The following SUCLA2 variants were observed in gnomAD, a reference collection of about 807,000 sequenced individuals.
The protein encoded by SUCLA2 is succinate-CoA ligase ADP-forming subunit beta.
Under a neutral mutation model 54.8 loss-of-function variants are expected in SUCLA2, and 30 were observed. The observed-to-expected ratio is 0.55, with a 90% CI of 0.41 to 0.74. The LOEUF (loss-of-function observed/expected upper bound fraction) is 0.74. Among genes scored for constraint, SUCLA2 ranks in the 30% least tolerant of loss-of-function variants. SUCLA2 has a pLI of 0.00. For missense variants in SUCLA2, 476 were observed against 562.9 expected (o/e 0.85, Z 1.56); for synonymous variants, 172 against 188.9 (o/e 0.91, Z 0.74).
chr13:47,951,491 T>C (rs957782742), intron 8 of SUCLA2, among the ~76,000 whole-genome samples: 6 of 152,200 alleles, frequency 3.9e-5, no homozygotes, highest in Non-Finnish European at 8.8e-5. Flanking sequence ...TCTGCCATCC[T>C]ACTTCAAACA....
chr13:47,949,039 T>C lies in SUCLA2; in HGVS notation c.1229-11A>G, dbSNP rs751641929. On this transcript the variant is annotated splice_polypyrimidine_tract_variant and intron_variant, in intron 9 of 10. Coordinates refer to ENST00000646932, the MANE Select transcript of SUCLA2 (RefSeq NM_003850.3). ...CATCGACTCGTGTACCTGTAAATGA[T>C]TTATGCAAATATAAATGTTTTAAAT... 2 of 1,612,226 alleles carry C rather than the reference T, an allele frequency of 1.2e-6. No individual in the cohort carries two copies. Among genetic ancestry groups the C allele is most frequent in the African/African-American group, 2.7e-5 (2 of 74,978 alleles).
chr13:47,956,795 A>G (rs934738633), intron 6 of SUCLA2: 2 of 152,210 alleles, frequency 1.3e-5, no homozygotes, highest in Admixed American at 6.5e-5. Flanking sequence ...CATCCGACCA[A>G]GCACAGGACA....
intron 1 of SUCLA2, among the ~76,000 whole-genome samples, chr13:48,000,012 CTAAA>C (rs983395262): frequency 7.9e-5 from 12 of 151,622 alleles, no homozygotes; most frequent in African/African-American, 2.4e-4. Context: ...TTTCTAAAAA[CTAAA>C]TAGCACTCTT....
intron 10 of SUCLA2, 30 bp from the exon 11 acceptor site, chr13:47,943,475 A>G: frequency 1.9e-6 from 3 of 1,610,704 alleles, no homozygotes; most frequent in Non-Finnish European, 2.5e-6. Flanking sequence ...AATTTTCACA[A>G]AAAGGTAAAT....
At chr13:47,967,809 A>C (rs1367814473) in intron 6 of SUCLA2, among the ~76,000 whole-genome samples, 1 of 149,146 alleles carries the variant, frequency 6.7e-6, no homozygotes, top group African/African-American at 2.5e-5. Context: ...ACGCCATTGC[A>C]CTCCAGTGTG....
chr13:47,953,108 A>G (rs945221660), intron 8 of SUCLA2, among the ~76,000 whole-genome samples: 5 of 152,142 alleles, frequency 3.3e-5, no homozygotes, highest in African/African-American at 4.8e-5. Flanking sequence ...GACCATCACA[A>G]AATATATGGC....
chr13:47,955,435 C>A (rs998186799), intron 6 of SUCLA2, among the ~76,000 whole-genome samples: 10 of 152,112 alleles, frequency 6.6e-5, no homozygotes, highest in Admixed American at 6.5e-4. Flanking sequence ...TTGCTGACCT[C>A]AAGTAATCCA....
intron 4 of SUCLA2, 120 bp downstream of exon 4, chr13:47,988,421 T>C: frequency 1.7e-6 from 2 of 1,196,150 alleles, no homozygotes; most frequent in Non-Finnish European, 2.4e-6. Flanking sequence ...GCTCATGACA[T>C]ACAAACAGAT....
At chr13:47,976,501 C>T (rs773994895) in intron 4 of SUCLA2, among the ~76,000 whole-genome samples, 1 of 152,146 alleles carries the variant, frequency 6.6e-6, no homozygotes, top group Non-Finnish European at 1.5e-5. Context: ...CCTGTCTCAA[C>T]TGATATGGGT....
chr13:47,999,995 TC>T (rs1210031389), intron 1 of SUCLA2, among the ~76,000 whole-genome samples: 1 of 152,020 alleles, frequency 6.6e-6, no homozygotes, highest in Non-Finnish European at 1.5e-5. Flanking sequence ...GTCACTAAAT[TC>T]CCCATTTTCT....
At chr13:47,980,330 G>T (rs1458302166) in intron 4 of SUCLA2, among the ~76,000 whole-genome samples, 3 of 152,102 alleles carry the variant, frequency 2.0e-5, no homozygotes, top group African/African-American at 7.2e-5. Flanking sequence ...CAGGAGAATG[G>T]TGTGAACCCG....
chr13:47,982,712 T>TA (rs11389506), intron 4 of SUCLA2, among the ~76,000 whole-genome samples: 92,646 of 148,192 alleles, frequency 0.63, 29,458 homozygotes, highest in East Asian at 0.77. Context: ...TTTGACAATC[T>TA]AAAAAAAAAA....
At chr13:47,962,045 G>C (rs1009970906) in intron 6 of SUCLA2, among the ~76,000 whole-genome samples, 10 of 152,198 alleles carry the variant, frequency 6.6e-5, no homozygotes, top group African/African-American at 2.4e-4. Flanking sequence ...ATATGAAGCA[G>C]AGCAGGAGTT....
At chr13:47,982,666 T>C (rs1171729116) in intron 4 of SUCLA2, among the ~76,000 whole-genome samples, 1 of 151,794 alleles carries the variant, frequency 6.6e-6, no homozygotes, top group Non-Finnish European at 1.5e-5. Flanking sequence ...TTATACTGCA[T>C]ACTCAAAATG....
intron 4 of SUCLA2, among the ~76,000 whole-genome samples, chr13:47,981,986 A>G (rs1304849418): frequency 6.6e-6 from 1 of 152,228 alleles, no homozygotes; most frequent in Non-Finnish European, 1.5e-5. Flanking sequence ...CTCTGTCTCA[A>G]AAAAATAATT....
chr13:47,980,485 T>C (rs1950051847), intron 4 of SUCLA2, among the ~76,000 whole-genome samples: 1 of 152,004 alleles, frequency 6.6e-6, no homozygotes, highest in East Asian at 1.9e-4. Flanking sequence ...TGATCACAGA[T>C]TGGAAGACTT....
At chr13:47,981,365 C>T (rs915289497) in intron 4 of SUCLA2, among the ~76,000 whole-genome samples, 1 of 152,126 alleles carries the variant, frequency 6.6e-6, no homozygotes, top group African/African-American at 2.4e-5. Context: ...TGAAAAGATA[C>T]TCAGTATCAC....
intron 10 of SUCLA2, among the ~76,000 whole-genome samples, chr13:47,948,650 T>C (rs113540424): frequency 6.6e-6 from 1 of 152,190 alleles, no homozygotes; most frequent in South Asian, 2.1e-4. Flanking sequence ...CCCGACCCTC[T>C]TCCTTGGTTA....
intron 6 of SUCLA2, among the ~76,000 whole-genome samples, chr13:47,955,251 G>C (rs1159863677): frequency 6.6e-6 from 1 of 152,084 alleles, no homozygotes; most frequent in African/African-American, 2.4e-5. Flanking sequence ...ACCCAGACTA[G>C]AGTGCAGTGG....
Sources: gnomAD v4.1 joint callset for allele counts (sites outside exome capture counted in the v4.1 genomes callset) on GRCh38, gnomAD v4.1.1 for gene constraint, MANE v1.5 for transcripts, NCBI Gene and HGNC (gene_info 2026-07-23, HGNC 2026-07-21) for gene names.